Variants in PTPRB observed in about 807,000 individuals in gnomAD.
The protein encoded by PTPRB is protein tyrosine phosphatase receptor type B.
PTPRB carries 97 observed loss-of-function variants against 238.1 expected under a neutral mutation model. That is an observed-to-expected ratio of 0.41 (90% CI 0.35 to 0.48). PTPRB has a LOEUF of 0.48. Among genes scored for constraint, PTPRB ranks in the 20% least tolerant of loss-of-function variants. The probability of loss-of-function intolerance (pLI) is 0.30; values close to 1 mark genes in which losing one functional copy is unlikely to be tolerated. For synonymous variants in PTPRB, 970 were observed against 995.4 expected, an observed-to-expected ratio of 0.97 and a Z score of 0.48; for missense variants, 2,292 against 2,681.9, an observed-to-expected ratio of 0.85 and a Z score of 3.21.
At position 70,622,578 on chromosome 12, in the gene PTPRB, A is replaced by C; in HGVS notation, c.520T>G (p.Phe174Val). The C allele has an allele frequency of 6.3e-7, 1 of 1,596,068 alleles. No homozygotes were observed. Among genetic ancestry groups the C allele is most frequent in the Non-Finnish European group, 8.5e-7 (1 of 1,170,474 alleles). Residue 174 changes from phenylalanine (F) to valine (V), a missense_variant, in exon 3 of 34, where the codon TTT becomes GTT. By Grantham distance (50) the Phe-to-Val change is conservative. Coordinates refer to ENST00000334414, the MANE Select transcript of PTPRB (RefSeq NM_001109754.4). Reference protein sequence around the residue: ...NTAPPQILTTFNAVPDGLVFL... With the variant: ...NTAPPQILTTVNAVPDGLVFL... ...ACCAGGCCATCTGGAACTGCATTAA[A>C]GGTAGTGAGAATCTGGGGTGGAGCC...
intron 27 of PTPRB, chr12:70,538,522 A>G (rs1029803437): frequency 2.2e-6 from 1 of 454,280 alleles, no homozygotes; most frequent in South Asian, 3.6e-5. Flanking sequence ...TGGAATGAAT[A>G]CAATCCAGAA....
rs1880105460 is a variant in PTPRB at position 70,571,915 on chromosome 12, A to G, written c.3015T>C (p.Phe1005=). ...SIPKSENECV[F]VQLVPGRLYS... ...ACAACCGTCCAGGGACTAGCTGAACAAATACACATTCGTTTTCTGACTTGG... is the reference window on the plus strand; with the variant it reads ...ACAACCGTCCAGGGACTAGCTGAACGAATACACATTCGTTTTCTGACTTGG... Residue 1005 remains phenylalanine (F), a synonymous_variant, in exon 12 of 34, where the codon TTT becomes TTC. Coordinates refer to ENST00000334414, the MANE Select transcript of PTPRB (RefSeq NM_001109754.4). 1.9e-6 allele frequency: 3 copies of G among 1,613,884 alleles called. No individual in the cohort carries two copies. In the South Asian group the frequency reaches 3.3e-5, roughly 18 times the overall value.
chr12:70,616,487 T>C (rs1312538917), intron 3 of PTPRB, among the ~76,000 whole-genome samples: 2 of 152,214 alleles, frequency 1.3e-5, no homozygotes, highest in African/African-American at 4.8e-5. Flanking sequence ...GCAAACCTGA[T>C]TGCACATTAG....
intron 13 of PTPRB, 40 bp from the exon 14 acceptor site, chr12:70,569,978 A>G: frequency 6.5e-7 from 1 of 1,541,100 alleles, no homozygotes; most frequent in African/African-American, 1.4e-5. Context: ...CACTTAGAGA[A>G]TGAACTGTTG....
rs1592602412 is a variant in PTPRB at position 70,622,597 on chromosome 12, T to C, written c.501A>G (p.Pro167=). The C allele has an allele frequency of 6.3e-7, 1 of 1,588,516 alleles. No individual in the cohort carries two copies. The highest frequency in any genetic ancestry group is 8.6e-7 in the Non-Finnish European group (1 of 1,166,290). ...CATTAAAGGTAGTGAGAATCTGGGG[T>C]GGAGCCGTGTTTCTAGTGCTCCTCA... ...VSVRSTRNTA[P]PQILTTFNAV... The change falls in exon 3 of 34, where the codon CCA becomes CCG. Residue 167 remains proline, a synonymous_variant. Coordinates refer to ENST00000334414, the MANE Select transcript of PTPRB (RefSeq NM_001109754.4).
intron 32 of PTPRB, among the ~76,000 whole-genome samples, chr12:70,528,684 C>T (rs371028109): frequency 2.0e-4 from 31 of 152,258 alleles, no homozygotes; most frequent in African/African-American, 7.2e-4. Flanking sequence ...TAAATAAATG[C>T]ACATATCCAT....
chr12:70,608,427 A>G (rs1884142512), intron 4 of PTPRB, among the ~76,000 whole-genome samples: 1 of 152,230 alleles, frequency 6.6e-6, no homozygotes, highest in East Asian at 1.9e-4. Flanking sequence ...AACTGAGGCA[A>G]GAAAGGCAAA....
intron 3 of PTPRB, among the ~76,000 whole-genome samples, chr12:70,609,542 G>A (rs1884256798): frequency 1.3e-5 from 2 of 152,340 alleles, no homozygotes; most frequent in African/African-American, 2.4e-5. Flanking sequence ...TCCCTTGAGA[G>A]CAGCTGGAGA....
chr12:70,560,042 G>A lies in PTPRB; in HGVS notation c.4433-418C>T, dbSNP rs183673864. ...AGTAGAGACAGGGTTTCCTCTCGTT[G>A]ACCAGGCTGGTCTCGAACTCCAGAC... is the stretch of plus-strand genomic sequence containing the variant. On this transcript the variant is annotated intron_variant, in intron 17 of 33. Coordinates refer to ENST00000334414, the MANE Select transcript of PTPRB (RefSeq NM_001109754.4). This position sits in a 1 kb window ranked among gnomAD's most constrained non-coding sequence, Gnocchi z 4.2. 3.1e-3 allele frequency among the ~76,000 whole-genome samples: 474 copies of A among 152,018 alleles called. No homozygotes were observed. The highest frequency in any genetic ancestry group is 0.011 in the African/African-American group (457 of 41,464).
chr12:70,557,257 T>G (rs931954173), intron 18 of PTPRB, among the ~76,000 whole-genome samples: 2 of 152,186 alleles, frequency 1.3e-5, no homozygotes, highest in African/African-American at 4.8e-5. Flanking sequence ...TGAAGCATAT[T>G]TGTGAGAAAT....
At position 70,594,740 on chromosome 12, in the gene PTPRB, G is replaced by C. The variant is rs371543508; in HGVS notation, c.1259-16C>G. 2.5e-6 allele frequency: 4 copies of C among 1,613,104 alleles called. No individual in the cohort carries two copies. Among genetic ancestry groups the C allele is most frequent in the Non-Finnish European group, 2.5e-6 (3 of 1,179,214 alleles). ...GGAGATGGCACTAGTGGGATAAAAT[G>C]CATGTCCAAATGTCATTAATAATTC... On this transcript the variant is annotated splice_polypyrimidine_tract_variant and intron_variant, in intron 5 of 33. Coordinates refer to ENST00000334414, the MANE Select transcript of PTPRB (RefSeq NM_001109754.4).
chr12:70,637,083 C>T (rs961884417), intron 1 of PTPRB, among the ~76,000 whole-genome samples: 11 of 152,162 alleles, frequency 7.2e-5, no homozygotes, highest in African/African-American at 1.4e-4. Flanking sequence ...GGGTTCTTTA[C>T]GCTCTGCTCT....
At position 70,581,068 on chromosome 12, in the gene PTPRB, G is replaced by T. The variant is rs191519480; in HGVS notation, c.2546C>A (p.Ser849Tyr). The change falls in exon 10 of 34, where the codon TCT becomes TAT. Residue 849 changes from serine to tyrosine, a missense_variant. Physicochemically the swap from Ser to Tyr is moderately radical, Grantham distance 144. Around this residue, in one of 4 missense-constraint regions of PTPRB, gnomAD observed 1,205 missense variants for 1,287.8 expected, o/e 0.94. Transcript: ENST00000334414. ...TCCCTCCACAACCACTTGTCGGGAA[G>T]AGATCCCTCCACTCACTGTTGTTAC... is the stretch of plus-strand genomic sequence containing the variant. ...VVVTTVSGGISSRQVVVEGRT... is the reference protein window; with the variant it reads ...VVVTTVSGGIYSRQVVVEGRT... 5.6e-6 allele frequency: 9 copies of T among 1,613,870 alleles called. 1 individual carries two copies. The highest frequency in any genetic ancestry group is 7.6e-6 in the Non-Finnish European group (9 of 1,179,898).
chr12:70,563,724 A>G (rs1055433111), intron 15 of PTPRB, among the ~76,000 whole-genome samples: 4 of 152,068 alleles, frequency 2.6e-5, no homozygotes, highest in African/African-American at 9.7e-5. Context: ...CAAACTCAAT[A>G]CACAGCTGAA....
In PTPRB at chr12:70,516,282, A is replaced by G. The variant is rs1871192471; in HGVS notation, c.*5207T>C. 6.6e-6 allele frequency: 1 copy of G among 152,198 alleles called. No homozygotes were observed. The highest frequency in any genetic ancestry group is 2.4e-5 in the African/African-American group (1 of 41,450). 9.4% of individuals were successfully genotyped at this position (152,198 alleles called of 1,614,324 possible). ...CATCCAAAATATCAGGCCAGGAGCA[A>G]TTTCAAGAAGTGTGTGTAGAATGTC... On this transcript the variant is annotated 3_prime_UTR_variant, in exon 34 of 34. Coordinates refer to ENST00000334414, the MANE Select transcript of PTPRB (RefSeq NM_001109754.4).
At chr12:70,531,442 T>C (rs1873226382) in intron 32 of PTPRB, among the ~76,000 whole-genome samples, 1 of 152,146 alleles carries the variant, frequency 6.6e-6, no homozygotes, top group South Asian at 2.1e-4. Context: ...GGAAGAGATC[T>C]GACCCTGAGG....
chr12:70,625,551 GTT>G (rs373089273), intron 2 of PTPRB, among the ~76,000 whole-genome samples: 33 of 147,198 alleles, frequency 2.2e-4, no homozygotes, highest in African/African-American at 6.2e-4. Context: ...AGATGATTAA[GTT>G]TTTTTTTTTT....
At chr12:70,556,903 G>T (rs1160357638) in intron 18 of PTPRB, among the ~76,000 whole-genome samples, 2 of 152,208 alleles carry the variant, frequency 1.3e-5, no homozygotes, top group African/African-American at 4.8e-5. Flanking sequence ...TATGTGCCAG[G>T]TGCTCTTCTG....
Position 70,521,446 on chromosome 12 carries a change from A to G in PTPRB, c.*43T>C. On this transcript the variant is annotated 3_prime_UTR_variant, in exon 34 of 34. Coordinates refer to ENST00000334414, the MANE Select transcript of PTPRB (RefSeq NM_001109754.4). ...TGAAGCAAGTTTTTAAAAACAAATC[A>G]CACAGTGAATAATTTTTATCCAGGA... is the stretch of plus-strand genomic sequence containing the variant. The G allele has an allele frequency of 6.6e-7, 1 of 1,504,094 alleles. No homozygotes were observed. The highest frequency in any genetic ancestry group is 1.3e-5 in the South Asian group (1 of 76,292). The allele number at this position is 1,504,094 out of a possible 1,614,324, so 93.2% of individuals were successfully genotyped here.
Sources: gnomAD v4.1 joint callset for allele counts (sites outside exome capture counted in the v4.1 genomes callset) on GRCh38, gnomAD v4.1.1 for gene constraint, gnomAD v4.1.1 regional missense constraint, Gnocchi (gnomAD v3.1) non-coding constraint, MANE v1.5 for transcripts, NCBI Gene and HGNC (gene_info 2026-07-23, HGNC 2026-07-21) for gene names.